Variants in ADARB2 observed in about 807,000 individuals in gnomAD.
ADARB2 encodes the protein inactive double-stranded RNA-specific editase B2.
ADARB2 carries 25 observed loss-of-function variants against 62.2 expected under a neutral mutation model. The observed-to-expected ratio is 0.40, with a 90% CI of 0.29 to 0.56. ADARB2 has a LOEUF of 0.56. ADARB2 is among the 20% of genes least tolerant of loss of function. The pLI, the probability that ADARB2 is intolerant of heterozygous loss-of-function variation, is 0.43. For missense variants in ADARB2, 1,071 were observed against 1,077.4 expected (o/e 0.99, Z 0.08); for synonymous variants, 572 against 500.8 (o/e 1.14, Z -1.90).
chr10:1,514,635 G>A (rs1196830720), intron 1 of ADARB2, among the ~76,000 whole-genome samples: 2 of 151,890 alleles, frequency 1.3e-5, no homozygotes, highest in Non-Finnish European at 2.9e-5. Context: ...AAATGTGGCT[G>A]CCGAGACAGA....
At chr10:1,378,733 G>A (rs1416615714) in intron 2 of ADARB2, among the ~76,000 whole-genome samples, 1 of 152,170 alleles carries the variant, frequency 6.6e-6, no homozygotes, top group Non-Finnish European at 1.5e-5. Context: ...AGGTGAGGAT[G>A]AGACTGCAGG....
At chr10:1,597,314 C>T (rs1404242436) in intron 1 of ADARB2, among the ~76,000 whole-genome samples, 1 of 152,052 alleles carries the variant, frequency 6.6e-6, no homozygotes, top group South Asian at 2.1e-4. Context: ...AGGCAATTCC[C>T]AATTGACAGA....
chr10:1,517,688 C>T (rs1181395802), intron 1 of ADARB2, among the ~76,000 whole-genome samples: 1 of 152,136 alleles, frequency 6.6e-6, no homozygotes, highest in Non-Finnish European at 1.5e-5. Flanking sequence ...GACACCATCC[C>T]AAGGTGGGGT....
intron 3 of ADARB2, among the ~76,000 whole-genome samples, chr10:1,325,827 G>A (rs1415913431): frequency 6.6e-6 from 1 of 152,152 alleles, no homozygotes. Context: ...AAGAGCCATC[G>A]ACTGCCATTA....
chr10:1,352,839 G>A (rs1260929630), intron 3 of ADARB2, among the ~76,000 whole-genome samples: 2 of 151,166 alleles, frequency 1.3e-5, no homozygotes, highest in Admixed American at 1.3e-4. Context: ...CCTCATGACT[G>A]TATCTCTCTG....
intron 1 of ADARB2, among the ~76,000 whole-genome samples, chr10:1,443,908 T>C (rs1225332857): frequency 1.3e-5 from 2 of 152,190 alleles, no homozygotes; most frequent in Non-Finnish European, 2.9e-5. Flanking sequence ...AATCTACCAC[T>C]ATTGCAGGTT....
chr10:1,317,234 G>A (rs931322785), intron 3 of ADARB2, among the ~76,000 whole-genome samples: 1 of 152,188 alleles, frequency 6.6e-6, no homozygotes, highest in Admixed American at 6.5e-5. Context: ...ATGGAGGCAG[G>A]CAGACATAAT....
intron 1 of ADARB2, among the ~76,000 whole-genome samples, chr10:1,685,378 C>T (rs923094717): frequency 2.0e-5 from 3 of 152,162 alleles, no homozygotes; most frequent in Non-Finnish European, 4.4e-5. Context: ...TCCATACATG[C>T]GATTTCATGG....
At chr10:1,361,713 G>A (rs1046165551) in intron 3 of ADARB2, 1 of 152,228 alleles carries the variant, frequency 6.6e-6, no homozygotes, top group Non-Finnish European at 1.5e-5. Context: ...TCCCTGAGCA[G>A]TGTCTGAGGT....
At chr10:1,302,344 G>T (rs200389664) in intron 3 of ADARB2, among the ~76,000 whole-genome samples, 67,686 of 149,808 alleles carry the variant, frequency 0.45, 16,099 homozygotes, top group East Asian at 0.78. Flanking sequence ...GGCGCACCAC[G>T]AGATTATATC....
At chr10:1,260,119 C>A (rs1427605954) in intron 4 of ADARB2, among the ~76,000 whole-genome samples, 3 of 61,326 alleles carry the variant, frequency 4.9e-5, no homozygotes, top group African/African-American at 1.3e-4. Context: ...GCTAAAAAAA[C>A]CTCAATAAAT....
chr10:1,299,531 G>A (rs1329107936), intron 3 of ADARB2, among the ~76,000 whole-genome samples: 2 of 152,146 alleles, frequency 1.3e-5, no homozygotes, highest in African/African-American at 4.8e-5. Flanking sequence ...GTATGCAAAT[G>A]AGAACTCTGC....
chr10:1,690,097 T>G (rs1834649958), intron 1 of ADARB2, among the ~76,000 whole-genome samples: 1 of 152,246 alleles, frequency 6.6e-6, no homozygotes, highest in South Asian at 2.1e-4. Flanking sequence ...ATTAAGGTGA[T>G]AGCTATTCTT....
intron 1 of ADARB2, among the ~76,000 whole-genome samples, chr10:1,472,881 G>A (rs1470736589): frequency 6.6e-6 from 1 of 152,306 alleles, no homozygotes; most frequent in East Asian, 1.9e-4. Context: ...GTGGCTGTCA[G>A]GCAGCCGTCA....
At chr10:1,435,391 T>C (rs985057573) in intron 1 of ADARB2, among the ~76,000 whole-genome samples, 5 of 152,194 alleles carry the variant, frequency 3.3e-5, no homozygotes, top group African/African-American at 7.2e-5. Flanking sequence ...ATCTCTGCTG[T>C]GGTAAAAGAC....
At chr10:1,355,109 A>C (rs577126267) in intron 3 of ADARB2, among the ~76,000 whole-genome samples, 1 of 151,786 alleles carries the variant, frequency 6.6e-6, no homozygotes, top group Non-Finnish European at 1.5e-5. Flanking sequence ...CTGGCTGCCC[A>C]CCTCCTCCCA....
chr10:1,520,732 A>G (rs183651674), intron 1 of ADARB2, among the ~76,000 whole-genome samples: 1 of 152,356 alleles, frequency 6.6e-6, no homozygotes, highest in African/African-American at 2.4e-5. Flanking sequence ...GCTAATATGT[A>G]TCACCTCCTA....
At chr10:1,406,227 C>T (rs1296684954) in intron 1 of ADARB2, among the ~76,000 whole-genome samples, 1 of 152,222 alleles carries the variant, frequency 6.6e-6, no homozygotes, top group Admixed American at 6.5e-5. Flanking sequence ...GCTCTCCTTG[C>T]AGGTCTGGTT....
At chr10:1,427,515 T>G (rs1335182047) in intron 1 of ADARB2, among the ~76,000 whole-genome samples, 10 of 152,242 alleles carry the variant, frequency 6.6e-5, no homozygotes, top group South Asian at 2.1e-4. Context: ...AAATTAAAAC[T>G]ACAGTGAGAT....
Sources: allele counts gnomAD v4.1 joint callset (sites outside exome capture counted in the v4.1 genomes callset), GRCh38; gene constraint gnomAD v4.1.1; transcripts MANE v1.5; gene names NCBI Gene and HGNC (gene_info 2026-07-23, HGNC 2026-07-21).